TANC2: variants seen among roughly 807,000 people sequenced by gnomAD.
TANC2 encodes tetratricopeptide repeat, ankyrin repeat and coiled-coil containing 2, also known as protein TANC2.
Under a neutral mutation model 210.5 loss-of-function variants are expected in TANC2, and 26 were observed. The observed-to-expected ratio is 0.12, with a 90% CI of 0.09 to 0.17. TANC2 has a LOEUF of 0.17. Ranked by LOEUF, TANC2 falls within the 10% of genes least tolerant of loss-of-function variation. The pLI is 1.00. For missense variants in TANC2, 2,129 were observed against 2,608.9 expected (o/e 0.82, Z 4.01); for synonymous variants, 931 against 967.1 (o/e 0.96, Z 0.69).
At chr17:63,062,859 G>A (rs139414781) in intron 2 of TANC2, among the ~76,000 whole-genome samples, 2 of 152,170 alleles carry the variant, frequency 1.3e-5, no homozygotes, top group East Asian at 1.9e-4. Context: ...TCCCCACCAC[G>A]CAATTCTTCA....
At chr17:63,041,349 T>C in intron 2 of TANC2, among the ~76,000 whole-genome samples, 1 of 152,186 alleles carries the variant, frequency 6.6e-6, no homozygotes, top group East Asian at 1.9e-4. Flanking sequence ...TCTAAAATGT[T>C]ATATAATCCT....
At chr17:63,142,268 T>C (rs542313250) in intron 4 of TANC2, among the ~76,000 whole-genome samples, 11 of 152,296 alleles carry the variant, frequency 7.2e-5, no homozygotes, top group African/African-American at 2.6e-4. Context: ...ACTAATTCAG[T>C]TTATTTACTT....
chr17:63,057,568 T>G (rs868291793), intron 2 of TANC2, among the ~76,000 whole-genome samples: 10 of 152,258 alleles, frequency 6.6e-5, no homozygotes, highest in Middle Eastern at 3.4e-3. Context: ...TTTTTTTCGA[T>G]CCTCTCTCTG....
chr17:63,421,902 G>A lies in TANC2; in HGVS notation c.6172G>A (p.Gly2058Arg), dbSNP rs2049035478. Reference sequence around the variant, plus strand: ...GCAGCTGTCCCGAGACTCTCGGCAAGGGCAGACATCCCCTATCAAACCAAA... The same window carrying A: ...GCAGCTGTCCCGAGACTCTCGGCAAAGGCAGACATCCCCTATCAAACCAAA... The change falls in exon 28 of 28, where the codon GGG (glycine) becomes AGG (arginine). Residue 2058 changes from glycine (G) to arginine (R), a missense_variant. By Grantham distance (125) the Gly-to-Arg change is moderately radical (BLOSUM62 -2). Transcript: ENST00000689528. The surrounding 1 kb of genome is among the most constrained non-coding windows in gnomAD (Gnocchi z 6.9). 24 of 1,613,922 alleles carry A rather than the reference G, an allele frequency of 1.5e-5. No homozygotes were observed. The highest frequency in any genetic ancestry group is 1.9e-5 in the Non-Finnish European group (23 of 1,179,838).
chr17:63,368,473 T>C (rs1451380571), intron 14 of TANC2, among the ~76,000 whole-genome samples: 1 of 152,082 alleles, frequency 6.6e-6, no homozygotes, highest in Non-Finnish European at 1.5e-5. Context: ...CACCCAAGAA[T>C]ATAAAGTAGA....
Position 63,281,650 on chromosome 17 carries a change from T to C in TANC2, c.1159+13777T>C, listed in dbSNP as rs192467041. ...TGTTAAACCCAGTGTAATTGAATAA[T>C]GTATCCCAAAAATTCAGGTCCACCC... is the stretch of plus-strand genomic sequence containing the variant. On this transcript the variant is annotated intron_variant, in intron 9 of 27. Coordinates refer to ENST00000689528, the Ensembl canonical transcript of TANC2. Among the ~76,000 whole-genome samples the C allele has an allele frequency of 6.6e-5, 10 of 152,188 alleles. No homozygotes were observed. In the East Asian group the frequency reaches 1.4e-3, roughly 21 times the overall value.
intron 9 of TANC2, among the ~76,000 whole-genome samples, chr17:63,287,148 G>A (rs761582290): frequency 6.6e-6 from 1 of 152,050 alleles, no homozygotes; most frequent in Non-Finnish European, 1.5e-5. Context: ...GGCCAGGCTG[G>A]TCTCAAACTC....
chr17:63,296,274 T>G (rs2044533358), intron 9 of TANC2, among the ~76,000 whole-genome samples: 1 of 152,138 alleles, frequency 6.6e-6, no homozygotes, highest in Non-Finnish European at 1.5e-5. Context: ...AATTTCAGCA[T>G]TTAATGAAAT....
chr17:63,405,979 A>G (rs1377192321), intron 20 of TANC2, among the ~76,000 whole-genome samples, 175 bp from the exon 21 acceptor site: 1 of 152,212 alleles, frequency 6.6e-6, no homozygotes, highest in Admixed American at 6.5e-5. Flanking sequence ...ACTGTCCCTG[A>G]GAGAGATTAA....
exon 7 of TANC2, chr17:63,200,921 A>T (rs1371904597): frequency 1.2e-6 from 2 of 1,612,600 alleles, no homozygotes; most frequent in Non-Finnish European, 1.7e-6. Context: ...TACTAGTCCA[A>T]CCTCTACCCT....
At chr17:63,088,777 G>A (rs1296950355) in intron 3 of TANC2, 2 of 152,154 alleles carry the variant, frequency 1.3e-5, no homozygotes, top group South Asian at 2.1e-4. Flanking sequence ...GGTGACTGTA[G>A]ATCAAATACT....
At chr17:62,997,670 ATTAC>A (rs1338671966) in intron 1 of TANC2, among the ~76,000 whole-genome samples, 1 of 152,186 alleles carries the variant, frequency 6.6e-6, no homozygotes, top group Non-Finnish European at 1.5e-5. Flanking sequence ...ATCTTAATGT[ATTAC>A]TTTACATTAT....
chr17:63,294,166 G>A (rs906456386), intron 9 of TANC2, among the ~76,000 whole-genome samples: 19 of 152,172 alleles, frequency 1.2e-4, no homozygotes, highest in African/African-American at 4.1e-4. Context: ...AAAGACTGGA[G>A]GAGTTCTTAA....
At chr17:63,037,933 T>C (rs965777126) in intron 2 of TANC2, among the ~76,000 whole-genome samples, 2 of 152,226 alleles carry the variant, frequency 1.3e-5, no homozygotes, top group Non-Finnish European at 2.9e-5. Context: ...TAGATTCCTT[T>C]GAATCTTTTA....
At chr17:63,189,681 A>G (rs552668287) in intron 5 of TANC2, among the ~76,000 whole-genome samples, 1 of 152,288 alleles carries the variant, frequency 6.6e-6, no homozygotes, top group East Asian at 1.9e-4. Context: ...TGATTCACAT[A>G]TATTTTCTCC....
At chr17:63,232,395 C>T (rs957558428) in intron 7 of TANC2, among the ~76,000 whole-genome samples, 2 of 152,234 alleles carry the variant, frequency 1.3e-5, no homozygotes, top group Non-Finnish European at 2.9e-5. Flanking sequence ...GTGAGTTCGT[C>T]TAGCTTCAAT....
intron 1 of TANC2, among the ~76,000 whole-genome samples, chr17:62,991,350 G>A (rs1229380351): frequency 1.1e-4 from 16 of 151,990 alleles, no homozygotes; most frequent in Admixed American, 1.0e-3. Flanking sequence ...TTAAAACTAA[G>A]TAGATAGGCC....
chr17:63,196,320 T>C (rs558043889), intron 6 of TANC2, among the ~76,000 whole-genome samples: 1 of 152,322 alleles, frequency 6.6e-6, no homozygotes, highest in South Asian at 2.1e-4. Context: ...TTGGGAGCAA[T>C]AAAACATCTA....
chr17:63,334,702 G>A (rs1023819568), intron 11 of TANC2, among the ~76,000 whole-genome samples: 6 of 152,208 alleles, frequency 3.9e-5, no homozygotes, highest in African/African-American at 1.2e-4. Context: ...AGGGAAAGAT[G>A]ATAGTAGAAG....
Sources: allele counts gnomAD v4.1 joint callset (sites outside exome capture counted in the v4.1 genomes callset), GRCh38; gene constraint gnomAD v4.1.1; non-coding constraint Gnocchi (gnomAD v3.1); transcripts MANE v1.5; gene names NCBI Gene and HGNC (gene_info 2026-07-23, HGNC 2026-07-21).